Variants in DCAF1 observed in about 807,000 individuals in gnomAD.
The protein encoded by DCAF1 is DDB1 and CUL4 associated factor 1.
A neutral mutation model predicts 128.0 loss-of-function variants in DCAF1; 15 were observed. The observed-to-expected ratio is 0.12, with a 90% CI of 0.08 to 0.18. The LOEUF (loss-of-function observed/expected upper bound fraction) is 0.18. DCAF1 is among the 10% of genes least tolerant of loss of function. DCAF1 has a pLI of 1.00. For synonymous variants in DCAF1, 610 were observed against 603.0 expected (o/e 1.01, Z -0.17); for missense variants, 988 against 1,649.5 (o/e 0.60, Z 6.95).
In DCAF1 at chr3:51,418,741, A is replaced by G. The variant is rs1553631397; in HGVS notation, c.3372T>C (p.Ser1124=). Residue 1124 remains serine (S), a synonymous_variant, in exon 16 of 25, where the codon AGT becomes AGC. Coordinates refer to ENST00000684031, the MANE Select transcript of DCAF1 (RefSeq NM_001387579.1). ...TGQLKLYNVF[S]GQEEASYNCH... ...AGTTATAGCTGGCCTCCTCCTGTCC[A>G]CTAAACACATTATAGAGCTTCAGCT... 5.0e-6 allele frequency: 8 copies of G among 1,613,900 alleles called. No individual in the cohort carries two copies. Among genetic ancestry groups the G allele is most frequent in the Non-Finnish European group, 6.8e-6 (8 of 1,179,902 alleles).
intron 3 of DCAF1, among the ~76,000 whole-genome samples, chr3:51,474,734 C>T (rs1002636475): frequency 6.6e-6 from 1 of 150,970 alleles, no homozygotes; most frequent in Non-Finnish European, 1.5e-5. Flanking sequence ...AATCCTCCTG[C>T]GTCAGCTTCC....
chr3:51,496,659 A>G (rs149816824), intron 2 of DCAF1, among the ~76,000 whole-genome samples, 75 bp downstream of exon 2: 28 of 152,144 alleles, frequency 1.8e-4, no homozygotes, highest in Admixed American at 5.9e-4. Context: ...ACTAGCTCAG[A>G]GAGGTCCCCA....
chr3:51,395,998 G>A (rs896471208), downstream of DCAF1: 17 of 412,872 alleles, frequency 4.1e-5, no homozygotes, highest in South Asian at 1.3e-4. Flanking sequence ...AGCTGGTACC[G>A]CCAGAAACAG....
At chr3:51,413,098 G>C (rs782082523) in intron 21 of DCAF1, 32 bp from the exon 22 acceptor site, 48 of 1,612,714 alleles carry the variant, frequency 3.0e-5, no homozygotes, top group Non-Finnish European at 4.0e-5. Flanking sequence ...GATTGGGATT[G>C]GACTATTGCT....
chr3:51,472,466 A>G (rs1438722100), intron 3 of DCAF1, among the ~76,000 whole-genome samples: 1 of 151,766 alleles, frequency 6.6e-6, no homozygotes, highest in Non-Finnish European at 1.5e-5. Context: ...AGCACACTAC[A>G]GCTTCAAACT....
intron 13 of DCAF1, 99 bp from the exon 14 acceptor site, chr3:51,422,530 A>G: frequency 3.0e-6 from 2 of 675,696 alleles, no homozygotes; most frequent in East Asian, 2.7e-5. Flanking sequence ...ACATACACAC[A>G]GAGACAATAA....
chr3:51,430,928 G>A (rs781803418), intron 10 of DCAF1, among the ~76,000 whole-genome samples: 3 of 152,156 alleles, frequency 2.0e-5, no homozygotes, highest in Non-Finnish European at 4.4e-5. Context: ...AGTAACAAGA[G>A]CTTTGCTTTC....
At chr3:51,481,858 C>A (rs543482004) in intron 3 of DCAF1, among the ~76,000 whole-genome samples, 1 of 151,980 alleles carries the variant, frequency 6.6e-6, no homozygotes, top group Admixed American at 6.6e-5. Flanking sequence ...AGCGTCGTGG[C>A]GGGCACCTGT....
chr3:51,418,711 G>A lies in DCAF1; in HGVS notation c.3402C>T (p.His1134=). ...SGQEEASYNC[H]NSAITHLEPS... is the part of the protein sequence containing the mutation. ...GTTCAAGATGTGTGATGGCTGAGTT[G>A]TGACAGTTATAGCTGGCCTCCTCCT... Residue 1134 remains histidine (H), a synonymous_variant, in exon 16 of 25, where the codon CAC becomes CAT. Transcript: ENST00000684031. 1.2e-6 allele frequency: 2 copies of A among 1,613,728 alleles called. No homozygotes were observed. The highest frequency in any genetic ancestry group is 2.2e-5 in the East Asian group (1 of 44,876).
At chr3:51,444,083 A>G (rs1279420858) in intron 6 of DCAF1, among the ~76,000 whole-genome samples, 180 bp from the exon 7 acceptor site, 1 of 152,224 alleles carries the variant, frequency 6.6e-6, no homozygotes, top group Non-Finnish European at 1.5e-5. Flanking sequence ...GTGCAATAGA[A>G]GCCTATTCAG....
chr3:51,500,039 C>CCGCG (rs1344098421), upstream of DCAF1: 2 of 147,064 alleles, frequency 1.4e-5, no homozygotes, highest in Non-Finnish European at 3.0e-5. Context: ...GCTACGTGCA[C>CCGCG]CGCGCGCGCG....
intron 3 of DCAF1, among the ~76,000 whole-genome samples, chr3:51,474,858 C>T (rs1553649833): frequency 6.7e-6 from 1 of 149,522 alleles, no homozygotes; most frequent in Non-Finnish European, 1.5e-5. Context: ...AATCTCAGCT[C>T]ACTGCAACCT....
chr3:51,470,470 G>A (rs1704612535), intron 4 of DCAF1, among the ~76,000 whole-genome samples: 2 of 152,164 alleles, frequency 1.3e-5, no homozygotes, highest in South Asian at 4.1e-4. Context: ...AAGAGGCTGA[G>A]GTGGGAGGAT....
rs1559489477 is a variant in DCAF1, at chr3:51,420,209, C to A, written c.2761G>T (p.Ala921Ser). Residue 921 changes from alanine to serine, a missense_variant, in exon 15 of 25, where the codon GCC becomes TCC. Ala to Ser is a moderately conservative substitution (Grantham distance 99). Around this residue, in one of 11 missense-constraint regions of DCAF1, gnomAD observed 88 missense variants for 107.7 expected, o/e 0.82. Coordinates refer to ENST00000684031, the MANE Select transcript of DCAF1 (RefSeq NM_001387579.1). This position sits in a 1 kb window ranked among gnomAD's most constrained non-coding sequence, Gnocchi z 6.5. Reference sequence around the variant, plus strand: ...GCAGTAGGGGCAGAAGGCGCAGAGGCACCCACAGCAGCATGGCTGCCCAGA... The same window carrying A: ...GCAGTAGGGGCAGAAGGCGCAGAGGAACCCACAGCAGCATGGCTGCCCAGA... The part of the protein sequence containing the change: ...TRLGSHAAVG[A>S]SAPSAPTAHP... The A allele has an allele frequency of 6.2e-7, 1 of 1,613,886 alleles. No individual in the cohort carries two copies. Among genetic ancestry groups the A allele is most frequent in the African/African-American group, 1.3e-5 (1 of 74,918 alleles).
intron 23 of DCAF1, 98 bp from the exon 24 acceptor site, chr3:51,403,493 C>A: frequency 6.7e-7 from 1 of 1,498,046 alleles, no homozygotes; most frequent in South Asian, 1.3e-5. Flanking sequence ...AGGAAACTGT[C>A]AGTAGAGGGT....
chr3:51,397,892 TTTACA>T lies in DCAF1; in HGVS notation c.*872_*876del, dbSNP rs1212019238. The T allele has an allele frequency of 6.0e-6, 1 of 166,660 alleles. No homozygotes were observed. The highest frequency in any genetic ancestry group is 2.4e-5 in the African/African-American group (1 of 41,390). The allele number at this position is 166,660 out of a possible 1,614,324, so 10.3% of individuals were successfully genotyped here. ...TTGTATTTTTTTTAAATAAATACAC[TTTACA>T]TTAAAGAAAAAGGCCTTTGATTTGT... On this transcript the variant is annotated 3_prime_UTR_variant, in exon 25 of 25. Transcript: ENST00000684031.
chr3:51,407,525 CAGAG>C (rs1414382368), intron 23 of DCAF1, among the ~76,000 whole-genome samples: 1 of 152,180 alleles, frequency 6.6e-6, no homozygotes, highest in Admixed American at 6.5e-5. Context: ...GAGTGGAAAA[CAGAG>C]AGCATTATTC....
At chr3:51,432,801 A>G (rs1700507591) in intron 10 of DCAF1, among the ~76,000 whole-genome samples, 3 of 152,192 alleles carry the variant, frequency 2.0e-5, no homozygotes, top group Admixed American at 1.3e-4. Flanking sequence ...GCACTAAGAC[A>G]TCGGAAAAGT....
At chr3:51,415,314 G>A (rs1487608691) in intron 18 of DCAF1, among the ~76,000 whole-genome samples, 1 of 151,798 alleles carries the variant, frequency 6.6e-6, no homozygotes, top group Non-Finnish European at 1.5e-5. Flanking sequence ...GCAACGTTGG[G>A]GAAATGCCGT....
Sources: gnomAD v4.1 joint callset for allele counts (sites outside exome capture counted in the v4.1 genomes callset) on GRCh38, gnomAD v4.1.1 for gene constraint, gnomAD v4.1.1 regional missense constraint, Gnocchi (gnomAD v3.1) non-coding constraint, MANE v1.5 for transcripts, NCBI Gene and HGNC (gene_info 2026-07-23, HGNC 2026-07-21) for gene names.